Variants in GRIP1 observed in about 807,000 individuals in gnomAD.
GRIP1 encodes glutamate receptor interacting protein 1.
Under a neutral mutation model 129.9 loss-of-function variants are expected in GRIP1, and 45 were observed. The ratio of observed to expected loss-of-function variants is 0.35; its 90% confidence interval spans 0.27 to 0.44. The LOEUF is 0.44. Among genes scored for constraint, GRIP1 ranks in the 20% least tolerant of loss-of-function variants. GRIP1 has a pLI of 1.00. For synonymous variants in GRIP1, 530 were observed against 520.8 expected (o/e 1.02, Z -0.24); for missense variants, 1,196 against 1,396.8 (o/e 0.86, Z 2.29).
intron 1 of GRIP1, among the ~76,000 whole-genome samples, chr12:66,720,457 T>A (rs2036024336): frequency 6.6e-6 from 1 of 152,080 alleles, no homozygotes; most frequent in South Asian, 2.1e-4. Context: ...GTTGGCTGCG[T>A]CAATTGATTC....
At chr12:66,772,760 A>G (rs1248423532) in intron 1 of GRIP1, among the ~76,000 whole-genome samples, 2 of 152,144 alleles carry the variant, frequency 1.3e-5, no homozygotes, top group Non-Finnish European at 2.9e-5. Context: ...TTTGGTGAGC[A>G]CAAAGTAGCT....
Position 66,754,868 on chromosome 12 carries a change from T to G in GRIP1, c.-420+49185A>C, listed in dbSNP as rs144401938. 7.0e-3 allele frequency among the ~76,000 whole-genome samples: 1,069 copies of G among 152,272 alleles called. 10 individuals carry two copies. Among genetic ancestry groups the G allele is most frequent in the South Asian group, 0.029 (139 of 4,824 alleles). On this transcript the variant is annotated intron_variant, in intron 1 of 4. Transcript: ENST00000538373. ...TTCCCTGAGTCTGCCTGCTTCATTC[T>G]GATACCCTTTCATCTAGTTGGCTAT...
intron 1 of GRIP1, among the ~76,000 whole-genome samples, chr12:66,709,849 T>C (rs11176392): frequency 0.012 from 1,785 of 152,138 alleles, 36 homozygotes; most frequent in African/African-American, 0.041. Flanking sequence ...TATAGGAAGC[T>C]GCTATTTTTT....
chr12:66,390,343 G>A (rs900354167), intron 19 of GRIP1, among the ~76,000 whole-genome samples: 4 of 152,076 alleles, frequency 2.6e-5, no homozygotes, highest in African/African-American at 9.7e-5. Context: ...TATATATAAA[G>A]GGTTATTACT....
chr12:66,997,728 T>C (rs541826894), intron 1 of GRIP1, among the ~76,000 whole-genome samples: 4 of 152,306 alleles, frequency 2.6e-5, no homozygotes, highest in Admixed American at 2.0e-4. Context: ...ATCCTCTATT[T>C]TGACCTGATG....
chr12:66,811,049 T>C (rs1453921362), intron 1 of GRIP1, among the ~76,000 whole-genome samples: 1 of 152,232 alleles, frequency 6.6e-6, no homozygotes, highest in Non-Finnish European at 1.5e-5. Context: ...AATTTAACTG[T>C]GGCATGTCTG....
intron 2 of GRIP1, among the ~76,000 whole-genome samples, chr12:66,572,505 A>G (rs1241444310): frequency 6.6e-6 from 1 of 152,188 alleles, no homozygotes; most frequent in Non-Finnish European, 1.5e-5. Context: ...GGGGTGTTCT[A>G]GTTTCCATTT....
intron 1 of GRIP1, among the ~76,000 whole-genome samples, chr12:67,020,101 C>T (rs575445279): frequency 6.6e-6 from 1 of 152,152 alleles, no homozygotes; most frequent in South Asian, 2.1e-4. Flanking sequence ...AAGTGAAAAG[C>T]ACTTAATATA....
At chr12:66,851,813 CT>C (rs1438437589) in intron 1 of GRIP1, among the ~76,000 whole-genome samples, 1 of 152,048 alleles carries the variant, frequency 6.6e-6, no homozygotes, top group Admixed American at 6.6e-5. Context: ...GGTGTTTCTT[CT>C]TTGTAGTAAA....
At chr12:66,834,601 C>T (rs1394602187) in intron 1 of GRIP1, among the ~76,000 whole-genome samples, 1 of 152,092 alleles carries the variant, frequency 6.6e-6, no homozygotes, top group Non-Finnish European at 1.5e-5. Flanking sequence ...TATGTATTTC[C>T]ATTGCATCTG....
At chr12:66,416,811 C>A (rs1315796295) in intron 15 of GRIP1, among the ~76,000 whole-genome samples, 1 of 152,036 alleles carries the variant, frequency 6.6e-6, no homozygotes, top group Non-Finnish European at 1.5e-5. Flanking sequence ...GGCTTCACTG[C>A]TGAATTCTAC....
chr12:66,904,907 A>C (rs1414514146), intron 1 of GRIP1, among the ~76,000 whole-genome samples: 1 of 152,136 alleles, frequency 6.6e-6, no homozygotes, highest in Non-Finnish European at 1.5e-5. Context: ...AAAAACAAAA[A>C]AAAGTAAGCT....
intron 1 of GRIP1, among the ~76,000 whole-genome samples, chr12:67,007,282 T>C (rs1301230912): frequency 2.6e-5 from 4 of 152,178 alleles, no homozygotes; most frequent in East Asian, 3.8e-4. Context: ...GTGTTCAATA[T>C]GTATCTCCCA....
chr12:66,641,755 G>T (rs1434460990), intron 1 of GRIP1, among the ~76,000 whole-genome samples: 1 of 152,076 alleles, frequency 6.6e-6, no homozygotes, highest in Admixed American at 6.6e-5. Flanking sequence ...TAATTCTGTG[G>T]GTCACCTCTC....
At chr12:67,055,455 A>G (rs2043419571) in intron 1 of GRIP1, among the ~76,000 whole-genome samples, 1 of 151,572 alleles carries the variant, frequency 6.6e-6, no homozygotes, top group Admixed American at 6.5e-5. Flanking sequence ...ACATAAGAAC[A>G]GGATGCTTGA....
chr12:66,973,037 C>T (rs1417973508), intron 1 of GRIP1, among the ~76,000 whole-genome samples: 1 of 152,104 alleles, frequency 6.6e-6, no homozygotes, highest in East Asian at 1.9e-4. Context: ...TGAAAGCAGA[C>T]CTTAGGAACC....
intron 1 of GRIP1, among the ~76,000 whole-genome samples, chr12:66,752,661 G>A (rs1338156098): frequency 1.3e-5 from 2 of 152,112 alleles, no homozygotes; most frequent in African/African-American, 4.8e-5. Context: ...CCATGGGCCA[G>A]AGACATTGCT....
intron 1 of GRIP1, among the ~76,000 whole-genome samples, chr12:66,827,531 C>G (rs1257015118): frequency 1.3e-5 from 2 of 152,072 alleles, no homozygotes; most frequent in Admixed American, 6.6e-5. Flanking sequence ...TTGCCCTGTT[C>G]CATTGGTTGG....
chr12:66,766,261 G>A (rs2037634648), intron 1 of GRIP1, among the ~76,000 whole-genome samples: 1 of 152,128 alleles, frequency 6.6e-6, no homozygotes, highest in Non-Finnish European at 1.5e-5. Context: ...AGATATCTGG[G>A]GAGTCAGAAG....
Sources: allele counts gnomAD v4.1 joint callset (sites outside exome capture counted in the v4.1 genomes callset), GRCh38; gene constraint gnomAD v4.1.1; transcripts MANE v1.5; gene names NCBI Gene and HGNC (gene_info 2026-07-23, HGNC 2026-07-21).